Variants in AGBL4 observed in about 807,000 individuals in gnomAD.
The protein encoded by AGBL4 is AGBL carboxypeptidase 4.
In AGBL4, 58 loss-of-function variants were observed where a neutral mutation model predicts 66.4. The ratio of observed to expected loss-of-function variants is 0.87; its 90% confidence interval spans 0.71 to 1.09. The LOEUF is 1.09. Ranked by LOEUF, AGBL4 falls within the 50% of genes least tolerant of loss-of-function variation. The pLI, the probability that AGBL4 is intolerant of heterozygous loss-of-function variation, is 0.00. For missense variants in AGBL4, 579 were observed against 631.0 expected (o/e 0.92, Z 0.88); for synonymous variants, 234 against 222.9 (o/e 1.05, Z -0.44).
At position 48,890,153 on chromosome 1, in the gene AGBL4, G is replaced by C. The variant is rs1337100102; in HGVS notation, c.595-22923C>G. Among the ~76,000 whole-genome samples, 7 of 152,040 alleles carry C rather than the reference G, an allele frequency of 4.6e-5. No homozygotes were observed. The East Asian group carries it at 1.4e-3, about 29-fold the overall frequency. ...TTCACTCCTGCTTTCCTTCCCACCA[G>C]TGCCTTGGCCTCCTTTCACCCTGTC... On this transcript the variant is annotated intron_variant, in intron 5 of 13. Transcript: ENST00000371839.
At chr1:49,080,975 T>C (rs615473) in intron 4 of AGBL4, among the ~76,000 whole-genome samples, 96,010 of 152,006 alleles carry the variant, frequency 0.63, 31,066 homozygotes, top group African/African-American at 0.73. Flanking sequence ...AATTTCATTA[T>C]TATATTTGAA....
chr1:49,228,472 A>G (rs1650071833), intron 4 of AGBL4, among the ~76,000 whole-genome samples: 1 of 152,202 alleles, frequency 6.6e-6, no homozygotes, highest in Non-Finnish European at 1.5e-5. Flanking sequence ...GGTAGATGCC[A>G]TTGAGGATAA....
intron 3 of AGBL4, among the ~76,000 whole-genome samples, chr1:49,341,114 A>G (rs1417707513): frequency 6.6e-6 from 1 of 152,150 alleles, no homozygotes; most frequent in Non-Finnish European, 1.5e-5. Flanking sequence ...TTGAGTAGCC[A>G]TTCTTTTATT....
At chr1:49,877,636 T>C (rs546159502) in intron 1 of AGBL4, among the ~76,000 whole-genome samples, 5 of 152,210 alleles carry the variant, frequency 3.3e-5, no homozygotes, top group African/African-American at 1.2e-4. Context: ...TGGTTGTGTC[T>C]CTGCCCGACT....
At chr1:49,782,783 G>T (rs995619551) in intron 2 of AGBL4, among the ~76,000 whole-genome samples, 1 of 152,114 alleles carries the variant, frequency 6.6e-6, no homozygotes, top group South Asian at 2.1e-4. Context: ...TTGTCTCCTT[G>T]TTCTTTTCTC....
At chr1:49,494,539 C>T (rs1451253646) in intron 3 of AGBL4, among the ~76,000 whole-genome samples, 5 of 151,632 alleles carry the variant, frequency 3.3e-5, no homozygotes, top group African/African-American at 1.2e-4. Context: ...GTTTTTTGTT[C>T]TTGCGATAGT....
chr1:49,348,247 T>G (rs1036342301), intron 3 of AGBL4, among the ~76,000 whole-genome samples: 1 of 151,804 alleles, frequency 6.6e-6, no homozygotes, highest in Non-Finnish European at 1.5e-5. Flanking sequence ...TGAACCCCTG[T>G]CTCTACTAAA....
chr1:49,303,958 T>C (rs1445819872), intron 3 of AGBL4, among the ~76,000 whole-genome samples: 3 of 152,236 alleles, frequency 2.0e-5, no homozygotes, highest in African/African-American at 7.2e-5. Context: ...ATAGTTTCTT[T>C]TGCTGTGCAG....
chr1:49,747,517 T>TTAATAA (rs957064989), intron 2 of AGBL4, among the ~76,000 whole-genome samples: 1 of 152,200 alleles, frequency 6.6e-6, no homozygotes, highest in Admixed American at 6.6e-5. Context: ...TTAAAACTAT[T>TTAATAA]TAATAATGTT....
At chr1:48,600,230 T>C (rs1218676349) in intron 9 of AGBL4, among the ~76,000 whole-genome samples, 3 of 152,078 alleles carry the variant, frequency 2.0e-5, no homozygotes, top group Admixed American at 6.5e-5. Flanking sequence ...AATGAATAAA[T>C]AAATGAATGG....
chr1:48,543,381 A>ACCATCCATCCATCCATCCAT (rs10568742), intron 11 of AGBL4, among the ~76,000 whole-genome samples: 2 of 148,496 alleles, frequency 1.3e-5, no homozygotes, highest in Admixed American at 1.3e-4. Flanking sequence ...GAAATGATTT[A>ACCATCCATCCATCCATCCAT]CCATCCATCC....
chr1:48,909,283 T>C (rs1337033724), intron 5 of AGBL4, among the ~76,000 whole-genome samples: 1 of 152,214 alleles, frequency 6.6e-6, no homozygotes, highest in African/African-American at 2.4e-5. Flanking sequence ...GGAAATGTCA[T>C]GCTGGTCACG....
At chr1:49,424,270 T>C (rs894221801) in intron 3 of AGBL4, among the ~76,000 whole-genome samples, 1 of 152,158 alleles carries the variant, frequency 6.6e-6, no homozygotes, top group East Asian at 1.9e-4. Context: ...AACAGTTAAA[T>C]AGAGCCAAAT....
chr1:48,534,725 C>T (rs1643940948), intron 13 of AGBL4, among the ~76,000 whole-genome samples, 165 bp downstream of exon 13: 1 of 152,124 alleles, frequency 6.6e-6, no homozygotes, highest in Non-Finnish European at 1.5e-5. Context: ...ACACTTTGCC[C>T]TAACATACTG....
chr1:50,016,165 G>T (rs1443046355), intron 1 of AGBL4, among the ~76,000 whole-genome samples: 5 of 152,226 alleles, frequency 3.3e-5, no homozygotes, highest in Non-Finnish European at 5.9e-5. Flanking sequence ...CACAGCAAAA[G>T]AAACTATCAA....
chr1:49,357,274 A>G (rs1644039442), intron 3 of AGBL4, among the ~76,000 whole-genome samples: 1 of 152,164 alleles, frequency 6.6e-6, no homozygotes, highest in Non-Finnish European at 1.5e-5. Context: ...ACATCTTCAC[A>G]TTGAGACTAT....
intron 6 of AGBL4, chr1:48,761,380 A>G (rs371225300): frequency 6.4e-7 from 1 of 1,551,762 alleles, no homozygotes; most frequent in African/African-American, 1.4e-5. Flanking sequence ...ATAATCTTTA[A>G]CCTCTCCATC....
At chr1:48,553,555 C>T (rs912553285) in intron 11 of AGBL4, among the ~76,000 whole-genome samples, 2 of 152,040 alleles carry the variant, frequency 1.3e-5, no homozygotes, top group Non-Finnish European at 2.9e-5. Flanking sequence ...GACTGGCTTG[C>T]CGATGTTTTG....
chr1:49,851,840 T>A (rs1175830360), intron 1 of AGBL4, among the ~76,000 whole-genome samples: 1 of 152,138 alleles, frequency 6.6e-6, no homozygotes, highest in Middle Eastern at 3.2e-3. Flanking sequence ...ATAAACTATA[T>A]CTACTATCAT....
Sources: gnomAD v4.1 joint callset for allele counts (sites outside exome capture counted in the v4.1 genomes callset) on GRCh38, gnomAD v4.1.1 for gene constraint, MANE v1.5 for transcripts, NCBI Gene and HGNC (gene_info 2026-07-23, HGNC 2026-07-21) for gene names.